The following ROR1 variants were observed in gnomAD, a reference collection of about 807,000 sequenced individuals.
The protein encoded by ROR1 is ROR family WNT receptor 1, also known as inactive tyrosine-protein kinase transmembrane receptor ROR1.
ROR1 carries 19 observed loss-of-function variants against 78.8 expected under a neutral mutation model. The observed-to-expected ratio is 0.24, with a 90% confidence interval of 0.17 to 0.35. ROR1 has a LOEUF of 0.35. Ranked by LOEUF, ROR1 falls within the 10% of genes least tolerant of loss-of-function variation. ROR1 has a pLI of 1.00. For missense variants in ROR1, 917 were observed against 1,177.8 expected, an observed-to-expected ratio of 0.78 and a Z score of 3.24; for synonymous variants, 386 against 433.6, an observed-to-expected ratio of 0.89 and a Z score of 1.36.
chr1:63,818,398 G>C (rs1366690572), intron 1 of ROR1, among the ~76,000 whole-genome samples: 1 of 152,194 alleles, frequency 6.6e-6, no homozygotes, highest in Admixed American at 6.5e-5. Context: ...AAAAATGTCA[G>C]ACAGATTGAA....
At chr1:63,834,651 TTCCTCTGAGACAAAGTATTCAGGCCTCC>T (rs1161236639) in intron 1 of ROR1, among the ~76,000 whole-genome samples, 1 of 152,200 alleles carries the variant, frequency 6.6e-6, no homozygotes, top group Admixed American at 6.5e-5. Flanking sequence ...ATTACATTTC[TTCCTCTGAGACAAAGTATTCAGGCCTCC>T]TCCTCTTCTA....
intron 2 of ROR1, among the ~76,000 whole-genome samples, chr1:64,026,559 C>G (rs1646611517): frequency 1.3e-5 from 2 of 152,076 alleles, no homozygotes; most frequent in African/African-American, 4.8e-5. Context: ...TGTACTAGTC[C>G]ATTTTCACGC....
intron 1 of ROR1, among the ~76,000 whole-genome samples, chr1:63,957,733 T>G (rs1306372013): frequency 6.6e-6 from 1 of 151,300 alleles, no homozygotes; most frequent in Non-Finnish European, 1.5e-5. Context: ...ACCCTTTTTT[T>G]GTTTGTTTTT....
At chr1:63,902,079 C>T (rs1011770130) in intron 1 of ROR1, among the ~76,000 whole-genome samples, 2 of 151,946 alleles carry the variant, frequency 1.3e-5, no homozygotes, top group African/African-American at 4.8e-5. Context: ...GTTATATTTT[C>T]GATGGTTGGA....
chr1:63,832,891 TGAGTTACACTC>T (rs1644997139), intron 1 of ROR1, among the ~76,000 whole-genome samples: 1 of 152,216 alleles, frequency 6.6e-6, no homozygotes, highest in Admixed American at 6.5e-5. Flanking sequence ...CCAGGTGTGT[TGAGTTACACTC>T]GAGTTACACT....
At chr1:63,961,951 T>C (rs1209839335) in intron 1 of ROR1, among the ~76,000 whole-genome samples, 1 of 152,210 alleles carries the variant, frequency 6.6e-6, no homozygotes, top group Non-Finnish European at 1.5e-5. Context: ...AGGACATTTA[T>C]CTCATAAATA....
At chr1:63,916,926 C>A (rs1307730174) in intron 1 of ROR1, among the ~76,000 whole-genome samples, 1 of 152,222 alleles carries the variant, frequency 6.6e-6, no homozygotes, top group African/African-American at 2.4e-5. Context: ...GTTGCTCAGG[C>A]CTACTTTCAG....
chr1:63,792,574 G>A (rs1486840664), intron 1 of ROR1, among the ~76,000 whole-genome samples: 1 of 152,146 alleles, frequency 6.6e-6, no homozygotes, highest in Non-Finnish European at 1.5e-5. Flanking sequence ...TCACCTCTCT[G>A]GGCTTCTGTT....
At chr1:64,065,859 C>T (rs991427437) in intron 4 of ROR1, among the ~76,000 whole-genome samples, 20 of 152,162 alleles carry the variant, frequency 1.3e-4, no homozygotes, top group Non-Finnish European at 2.2e-4. Flanking sequence ...ATAGTGATTG[C>T]CGATAGTTAG....
At position 64,036,541 on chromosome 1, in the gene ROR1, A is replaced by G. The variant is rs1248581019; in HGVS notation, c.164-13150A>G. ...TCTTTCCTAATATTTGTGATAATCCATGTTCATATTGAATCTCCCCTGGGA... is the reference window on the plus strand; with the variant it reads ...TCTTTCCTAATATTTGTGATAATCCGTGTTCATATTGAATCTCCCCTGGGA... On this transcript the variant is annotated intron_variant, in intron 2 of 8. Coordinates refer to ENST00000371079, the MANE Select transcript of ROR1 (RefSeq NM_005012.4). 2.6e-5 allele frequency among the ~76,000 whole-genome samples: 4 copies of G among 152,130 alleles called. No homozygotes were observed. The East Asian group carries it at 5.8e-4, about 22-fold the overall frequency.
At chr1:63,917,438 A>G (rs1199073626) in intron 1 of ROR1, among the ~76,000 whole-genome samples, 1 of 152,132 alleles carries the variant, frequency 6.6e-6, no homozygotes. Flanking sequence ...TTTTTTTTCT[A>G]TTCTATAAAA....
At chr1:63,872,560 T>C (rs887224238) in intron 1 of ROR1, among the ~76,000 whole-genome samples, 1 of 152,162 alleles carries the variant, frequency 6.6e-6, no homozygotes, top group Non-Finnish European at 1.5e-5. Flanking sequence ...AAGGATAGAT[T>C]GAAAGATATA....
intron 1 of ROR1, among the ~76,000 whole-genome samples, chr1:63,855,080 A>T (rs1307220795): frequency 2.0e-5 from 3 of 152,088 alleles, no homozygotes; most frequent in Non-Finnish European, 4.4e-5. Flanking sequence ...TGGAGGGCTG[A>T]CTATATATAC....
At chr1:63,914,075 GTGTTTT>G (rs56798932) in intron 1 of ROR1, among the ~76,000 whole-genome samples, 21 of 151,156 alleles carry the variant, frequency 1.4e-4, no homozygotes, top group Admixed American at 4.0e-4. Context: ...AGCCGCATTA[GTGTTTT>G]TGTTTTTGTT....
intron 1 of ROR1, among the ~76,000 whole-genome samples, chr1:63,906,561 C>G (rs1173003617): frequency 6.6e-6 from 1 of 152,126 alleles, no homozygotes; most frequent in East Asian, 1.9e-4. Context: ...GCAGTCTGCT[C>G]TTTAGTAAGT....
chr1:63,921,271 T>A (rs1645652149), intron 1 of ROR1, among the ~76,000 whole-genome samples: 1 of 152,130 alleles, frequency 6.6e-6, no homozygotes, highest in Non-Finnish European at 1.5e-5. Flanking sequence ...CGCCTGGGAA[T>A]CATGGTAAAA....
chr1:63,936,910 A>G (rs1645798446), intron 1 of ROR1, among the ~76,000 whole-genome samples: 1 of 152,170 alleles, frequency 6.6e-6, no homozygotes, highest in South Asian at 2.1e-4. Context: ...GCCATTACCA[A>G]ACACAGGGCC....
chr1:63,988,222 G>A (rs1299700412), intron 1 of ROR1, among the ~76,000 whole-genome samples: 1 of 152,280 alleles, frequency 6.6e-6, no homozygotes. Flanking sequence ...CAGGGTCCAG[G>A]CTGGGAAGCT....
chr1:63,905,593 A>ACACTAGTTTT (rs1553142390), intron 1 of ROR1, among the ~76,000 whole-genome samples: 1 of 152,194 alleles, frequency 6.6e-6, no homozygotes, highest in African/African-American at 2.4e-5. Context: ...AAATGTGAAA[A>ACACTAGTTTT]CACTAGTTAA....
Sources: gnomAD v4.1 joint callset for allele counts (sites outside exome capture counted in the v4.1 genomes callset) on GRCh38, gnomAD v4.1.1 for gene constraint, MANE v1.5 for transcripts, NCBI Gene and HGNC (gene_info 2026-07-23, HGNC 2026-07-21) for gene names.